Variants in INTS1 observed in about 807,000 individuals in gnomAD.
INTS1 encodes integrator complex subunit 1.
Under a neutral mutation model 241.6 loss-of-function variants are expected in INTS1, and 137 were observed. That is an observed-to-expected ratio of 0.57 (90% CI 0.49 to 0.65). The LOEUF (loss-of-function observed/expected upper bound fraction) is 0.65, where lower values mean the gene tolerates loss of function less well. Ranked by LOEUF, INTS1 falls within the 30% of genes least tolerant of loss-of-function variation. The pLI is 0.00. For missense variants in INTS1, 3,073 were observed against 3,032.2 expected (o/e 1.01, Z -0.32); for synonymous variants, 1,692 against 1,337.8 (o/e 1.26, Z -5.78).
chr7:1,487,362 G>A lies in INTS1; in HGVS notation c.2604C>T (p.Arg868=), dbSNP rs940487330. ...GGAGGAGAAAGTCAGGGTTTCGGCT[G>A]CGGCACAAGAGGTGCCCGAGGCGGA... is the stretch of plus-strand genomic sequence containing the variant. ...QSLRLGHLLC[R]SRNPDFLLHI... Residue 868 remains arginine (R), a synonymous_variant, in exon 20 of 48, where the codon CGC becomes CGT. Transcript: ENST00000404767. 55 of 1,609,064 alleles carry A rather than the reference G, an allele frequency of 3.4e-5. 1 individual carries two copies. Among genetic ancestry groups the A allele is most frequent in the Non-Finnish European group, 4.7e-5 (55 of 1,178,210 alleles).
At position 1,493,940 on chromosome 7, in the gene INTS1, G is replaced by A. The variant is rs369159423; in HGVS notation, c.1911-29C>T. ...CGGGGTGGGGGAGGCATGACTCGGT[G>A]TGGGCTGCCCACACCTGCCAGACCT... On this transcript the variant is annotated intron_variant, in intron 14 of 47. Coordinates refer to ENST00000404767, the MANE Select transcript of INTS1 (RefSeq NM_001080453.3). The surrounding 1 kb of genome is among the most constrained non-coding windows in gnomAD (Gnocchi z 5.3). 101 of 1,544,330 alleles carry A rather than the reference G, an allele frequency of 6.5e-5. No individual in the cohort carries two copies. In the African/African-American group the frequency reaches 1.3e-3, roughly 20 times the overall value.
chr7:1,487,627 G>A, intron 19 of INTS1, 133 bp downstream of exon 19: 2 of 1,290,782 alleles, frequency 1.5e-6, no homozygotes, highest in Admixed American at 3.9e-5. Context: ...CGCGGGGACG[G>A]GGCTCCACAG....
chr7:1,487,732 G>A (rs372002887), intron 19 of INTS1, 28 bp downstream of exon 19: 12 of 1,601,634 alleles, frequency 7.5e-6, no homozygotes, highest in African/African-American at 1.3e-5. Context: ...GACGGCAGGC[G>A]CAGGGCGGGG....
intron 33 of INTS1, 69 bp from the exon 34 acceptor site, chr7:1,478,005 C>A (rs914328904): frequency 4.3e-5 from 57 of 1,340,884 alleles, no homozygotes; most frequent in Non-Finnish European, 5.9e-5. Context: ...TGGGTGTGGG[C>A]TAGCCAGGGT....
At position 1,474,875 on chromosome 7, in the gene INTS1, C is replaced by T. The variant is rs182321860; in HGVS notation, c.5503-37G>A. On this transcript the variant is annotated intron_variant, in intron 39 of 47. Coordinates refer to ENST00000404767, the MANE Select transcript of INTS1 (RefSeq NM_001080453.3). ...GGCGCTCTGAGGCCGGGGCCGCTGG[C>T]TCCCCTCACTTGCCCACCCACACTC... The T allele has an allele frequency of 2.2e-5, 34 of 1,545,388 alleles. No homozygotes were observed. In the African/African-American group the frequency reaches 4.2e-4, roughly 19 times the overall value.
intron 13 of INTS1, among the ~76,000 whole-genome samples, chr7:1,495,179 C>CA (rs1782784332): frequency 6.6e-6 from 1 of 152,244 alleles, no homozygotes; most frequent in South Asian, 2.1e-4. Context: ...CCAACCAAGG[C>CA]AGAGGCTCCA....
intron 26 of INTS1, 90 bp downstream of exon 26, chr7:1,483,652 C>T (rs754378277): frequency 1.0e-6 from 1 of 997,758 alleles, no homozygotes; most frequent in South Asian, 1.3e-5. Flanking sequence ...CGCCCAGAAG[C>T]AAGGCAAGGA....
Position 1,493,712 on chromosome 7 carries a change from G to A in INTS1, c.2068+42C>T, listed in dbSNP as rs1385754884. The A allele has an allele frequency of 1.3e-6, 2 of 1,539,998 alleles. No homozygotes were observed. Among genetic ancestry groups the A allele is most frequent in the African/African-American group, 1.4e-5 (1 of 72,966 alleles). ...GCCGGGGTTTCTGCAGGGACGAGGG[G>A]AGCAGACCCAGCACAGGCGCCATCC... On this transcript the variant is annotated intron_variant, in intron 15 of 47. Coordinates refer to ENST00000404767, the MANE Select transcript of INTS1 (RefSeq NM_001080453.3). This position sits in a 1 kb window ranked among gnomAD's most constrained non-coding sequence, Gnocchi z 5.3.
chr7:1,500,106 G>T (rs931702511), intron 4 of INTS1, 64 bp downstream of exon 4: 1 of 1,585,622 alleles, frequency 6.3e-7, no homozygotes, highest in Non-Finnish European at 8.6e-7. Flanking sequence ...ACTTAAGGGG[G>T]AGGTGAGGAG....
At chr7:1,487,553 G>C in intron 19 of INTS1, 104 bp from the exon 20 acceptor site, 1 of 1,431,806 alleles carries the variant, frequency 7.0e-7, no homozygotes, top group Non-Finnish European at 9.4e-7. Flanking sequence ...GACAGCCCGA[G>C]ACGGGCAACC....
At chr7:1,496,013 A>T in intron 12 of INTS1, 143 bp downstream of exon 12, 1 of 648,104 alleles carries the variant, frequency 1.5e-6, no homozygotes. Context: ...GGCAGCTTCC[A>T]GGCTCCGTGT....
At position 1,487,175 on chromosome 7, in the gene INTS1, C is replaced by T. The variant is rs147717938; in HGVS notation, c.2647-74G>A. ...CTGCCGCCAGCCCCCCGGGTGACCG[C>T]GGAGCCGGAAAGGGCGACACGCAGC... is the stretch of plus-strand genomic sequence containing the variant. On this transcript the variant is annotated intron_variant, in intron 20 of 47. Transcript: ENST00000404767. The T allele has an allele frequency of 2.6e-3, 4,005 of 1,518,836 alleles. 62 individuals carry two copies. In the African/African-American group the frequency reaches 0.04, roughly 15 times the overall value. The allele number at this position is 1,518,836 out of a possible 1,614,324, so 94.1% of individuals were successfully genotyped here.
chr7:1,485,578 G>A (rs1255750179), intron 22 of INTS1, 109 bp from the exon 23 acceptor site: 1 of 1,195,786 alleles, frequency 8.4e-7, no homozygotes, highest in African/African-American at 1.5e-5. Flanking sequence ...GGAGAATGTG[G>A]CGCTTGCTTC....
At chr7:1,490,611 G>A (rs925881753) in intron 16 of INTS1, among the ~76,000 whole-genome samples, 5 of 152,240 alleles carry the variant, frequency 3.3e-5, no homozygotes, top group South Asian at 4.1e-4. Flanking sequence ...CCACGTGCAC[G>A]GATCGCAGGG....
Position 1,481,326 on chromosome 7 carries a change from G to A in INTS1, c.3850+16C>T. 1 of 1,612,580 alleles carries A rather than the reference G, an allele frequency of 6.2e-7. No homozygotes were observed. The highest frequency in any genetic ancestry group is 8.5e-7 in the Non-Finnish European group (1 of 1,179,690). On this transcript the variant is annotated intron_variant, in intron 28 of 47. Coordinates refer to ENST00000404767, the MANE Select transcript of INTS1 (RefSeq NM_001080453.3). This position sits in a 1 kb window ranked among gnomAD's most constrained non-coding sequence, Gnocchi z 6.8. The stretch of plus-strand genomic sequence containing the variant: ...CAGCGTGTGTGAACCCACTCCGCAG[G>A]TCCCTGGCATCTTACTCTTGTCCAT...
intron 16 of INTS1, 113 bp downstream of exon 16, chr7:1,492,897 C>A: frequency 5.2e-6 from 3 of 571,524 alleles, no homozygotes; most frequent in East Asian, 3.3e-5. Context: ...GGGAGCGGGG[C>A]GCAGGCTTAC....
chr7:1,479,812 C>T (rs1376726778), intron 30 of INTS1, 128 bp from the exon 31 acceptor site: 2 of 1,075,726 alleles, frequency 1.9e-6, no homozygotes, highest in Non-Finnish European at 2.5e-6. Flanking sequence ...TCATTCGTAG[C>T]CCCCACCTTG....
rs538881452 is a variant in INTS1, at chr7:1,482,542, G to C, written c.3703+4C>G. The C allele has an allele frequency of 6.2e-7, 1 of 1,604,896 alleles. No individual in the cohort carries two copies. The highest frequency in any genetic ancestry group is 8.5e-7 in the Non-Finnish European group (1 of 1,174,562). ...CCCCTGCCCAAGCCCAGCCTGGACC[G>C]TACCGGCGTCCACCAGGCGGAGCAC... is the stretch of plus-strand genomic sequence containing the variant. On this transcript the variant is annotated splice_donor_region_variant and intron_variant, in intron 27 of 47. Coordinates refer to ENST00000404767, the MANE Select transcript of INTS1 (RefSeq NM_001080453.3).
chr7:1,478,515 G>C lies in INTS1; in HGVS notation c.4490-9C>G. The C allele has an allele frequency of 6.2e-7, 1 of 1,608,066 alleles. No individual in the cohort carries two copies. Among genetic ancestry groups the C allele is most frequent in the Non-Finnish European group, 8.5e-7 (1 of 1,178,288 alleles). On this transcript the variant is annotated splice_polypyrimidine_tract_variant and intron_variant, in intron 32 of 47. Coordinates refer to ENST00000404767, the MANE Select transcript of INTS1 (RefSeq NM_001080453.3). The stretch of plus-strand genomic sequence containing the variant: ...CAGGAGCCCCCCTCGCACTGTGGGA[G>C]GTCTGTGTGAGTGCCCTGTGGCTCC...
Sources: allele counts gnomAD v4.1 joint callset (sites outside exome capture counted in the v4.1 genomes callset), GRCh38; gene constraint gnomAD v4.1.1; non-coding constraint Gnocchi (gnomAD v3.1); transcripts MANE v1.5; gene names NCBI Gene and HGNC (gene_info 2026-07-23, HGNC 2026-07-21).